PSMD14: variants seen among roughly 807,000 people sequenced by gnomAD.
PSMD14 encodes the protein proteasome 26S subunit, non-ATPase 14.
A neutral mutation model predicts 41.2 loss-of-function variants in PSMD14; 7 were observed. The ratio of observed to expected loss-of-function variants is 0.17; its 90% confidence interval spans 0.10 to 0.32. The LOEUF (loss-of-function observed/expected upper bound fraction) is 0.32, where lower values mean the gene tolerates loss of function less well. Among genes scored for constraint, PSMD14 ranks in the 10% least tolerant of loss-of-function variants. The pLI is 1.00. For synonymous variants in PSMD14, 114 were observed against 122.3 expected, an observed-to-expected ratio of 0.93 and a Z score of 0.45; for missense variants, 139 against 375.6, an observed-to-expected ratio of 0.37 and a Z score of 5.21.
intron 3 of PSMD14, among the ~76,000 whole-genome samples, chr2:161,353,874 C>A (rs895117502): frequency 6.6e-6 from 1 of 152,132 alleles, no homozygotes; most frequent in Non-Finnish European, 1.5e-5. Flanking sequence ...ATATTTCATA[C>A]ATGGCTTTGC....
intron 7 of PSMD14, chr2:161,381,920 A>G (rs1281378276): frequency 6.6e-6 from 1 of 151,868 alleles, no homozygotes; most frequent in Admixed American, 6.6e-5. Flanking sequence ...GCAATTAGTA[A>G]AGCAACCATG....
intron 3 of PSMD14, among the ~76,000 whole-genome samples, chr2:161,349,981 G>A (rs1683096583): frequency 6.6e-6 from 1 of 152,184 alleles, no homozygotes. Context: ...GATTTAATTT[G>A]TATTCTTTTC....
At chr2:161,330,322 A>C (rs1436120808) in intron 3 of PSMD14, among the ~76,000 whole-genome samples, 1 of 152,238 alleles carries the variant, frequency 6.6e-6, no homozygotes, top group East Asian at 1.9e-4. Flanking sequence ...AGACAGAAGA[A>C]GATATCTCTG....
chr2:161,340,371 C>T (rs1184363381), intron 3 of PSMD14, among the ~76,000 whole-genome samples: 1 of 152,228 alleles, frequency 6.6e-6, no homozygotes, highest in African/African-American at 2.4e-5. Flanking sequence ...TGAGCTCTAC[C>T]TCATTTGTCT....
intron 3 of PSMD14, among the ~76,000 whole-genome samples, chr2:161,331,923 C>T (rs528496879): frequency 6.6e-6 from 1 of 152,284 alleles, no homozygotes; most frequent in African/African-American, 2.4e-5. Flanking sequence ...GGTCGAGTCA[C>T]AGAACTAACA....
At chr2:161,317,651 C>T (rs977284025) in intron 2 of PSMD14, among the ~76,000 whole-genome samples, 2 of 151,894 alleles carry the variant, frequency 1.3e-5, no homozygotes, top group East Asian at 1.9e-4. Flanking sequence ...ATAAAGTTTG[C>T]GATATTAACA....
chr2:161,337,804 G>A (rs370960899), intron 3 of PSMD14, among the ~76,000 whole-genome samples: 2 of 152,096 alleles, frequency 1.3e-5, no homozygotes, highest in African/African-American at 4.8e-5. Context: ...AGGAGATAAG[G>A]GTTCTGGTTC....
chr2:161,409,923 C>T (rs1003997103), intron 11 of PSMD14, among the ~76,000 whole-genome samples: 1 of 151,844 alleles, frequency 6.6e-6, no homozygotes, highest in African/African-American at 2.4e-5. Context: ...AATCATAATA[C>T]TAGATCACCA....
At chr2:161,375,485 G>A (rs1460095266) in intron 7 of PSMD14, among the ~76,000 whole-genome samples, 6 of 152,040 alleles carry the variant, frequency 3.9e-5, no homozygotes, top group Non-Finnish European at 7.4e-5. Context: ...GTTGTAGGTT[G>A]CACAAAGTAG....
chr2:161,371,105 T>TTTCTTG, intron 6 of PSMD14, 67 bp from the exon 7 acceptor site: 1 of 1,516,764 alleles, frequency 6.6e-7, no homozygotes, highest in East Asian at 2.3e-5. Context: ...TAGTGTGTTG[T>TTTCTTG]TTCTTTTCAT....
At chr2:161,326,052 T>C (rs1682690997) in intron 3 of PSMD14, among the ~76,000 whole-genome samples, 3 of 152,228 alleles carry the variant, frequency 2.0e-5, no homozygotes, top group African/African-American at 7.2e-5. Context: ...TTTTTTTGTT[T>C]TTTAAGATGG....
intron 3 of PSMD14, among the ~76,000 whole-genome samples, chr2:161,362,588 AT>A (rs987904583): frequency 2.0e-5 from 3 of 152,206 alleles, no homozygotes; most frequent in African/African-American, 7.2e-5. Flanking sequence ...TTAGTAATGT[AT>A]TTGTGGGCCT....
chr2:161,332,368 C>G (rs1410902827), intron 3 of PSMD14, among the ~76,000 whole-genome samples: 1 of 152,098 alleles, frequency 6.6e-6, no homozygotes, highest in African/African-American at 2.4e-5. Context: ...CTTCTAATTG[C>G]CAAAATATGT....
intron 6 of PSMD14, among the ~76,000 whole-genome samples, chr2:161,370,472 T>C (rs574820907): frequency 2.6e-5 from 4 of 152,264 alleles, no homozygotes; most frequent in South Asian, 2.1e-4. Flanking sequence ...TAGTCACTTA[T>C]AATTGAAAGA....
intron 7 of PSMD14, among the ~76,000 whole-genome samples, chr2:161,372,070 C>G (rs1236752962): frequency 6.6e-6 from 1 of 151,560 alleles, no homozygotes; most frequent in Non-Finnish European, 1.5e-5. Context: ...ACAGAGCTGT[C>G]TGCAAATGTG....
chr2:161,359,512 T>C (rs531832777), intron 3 of PSMD14, among the ~76,000 whole-genome samples: 1 of 152,268 alleles, frequency 6.6e-6, no homozygotes, highest in South Asian at 2.1e-4. Context: ...TTTTTTTTAA[T>C]TGGACTTGGA....
At chr2:161,366,428 A>C (rs1455221322) in intron 3 of PSMD14, among the ~76,000 whole-genome samples, 2 of 151,832 alleles carry the variant, frequency 1.3e-5, no homozygotes, top group African/African-American at 4.8e-5. Flanking sequence ...ACACAAAAGC[A>C]CAAAGTACAC....
At chr2:161,358,583 C>G (rs1559496) in intron 3 of PSMD14, among the ~76,000 whole-genome samples, 102,367 of 152,036 alleles carry the variant, frequency 0.67, 34,720 homozygotes, top group Admixed American at 0.72. Context: ...AATCTGACCA[C>G]TCCTACTCTA....
chr2:161,320,971 C>G (rs1399661974), intron 3 of PSMD14, among the ~76,000 whole-genome samples: 1 of 152,224 alleles, frequency 6.6e-6, no homozygotes. Flanking sequence ...AGTGATCCAC[C>G]TGCCTCGGCC....
Sources: allele counts gnomAD v4.1 joint callset (sites outside exome capture counted in the v4.1 genomes callset), GRCh38; gene constraint gnomAD v4.1.1; transcripts MANE v1.5; gene names NCBI Gene and HGNC (gene_info 2026-07-23, HGNC 2026-07-21).